The following EHMT1 variants were observed in gnomAD, a reference collection of about 807,000 sequenced individuals.
The protein encoded by EHMT1 is euchromatic histone lysine methyltransferase 1.
EHMT1 carries 15 observed loss-of-function variants against 147.2 expected under a neutral mutation model. That is an observed-to-expected ratio of 0.10 (90% confidence interval 0.07 to 0.16). The LOEUF (loss-of-function observed/expected upper bound fraction) is 0.16, where lower values mean the gene tolerates loss of function less well. Ranked by LOEUF, EHMT1 falls within the 10% of genes least tolerant of loss-of-function variation. EHMT1 has a pLI of 1.00. For synonymous variants in EHMT1, 795 were observed against 709.6 expected, an observed-to-expected ratio of 1.12 and a Z score of -1.91; for missense variants, 1,587 against 1,772.4, an observed-to-expected ratio of 0.90 and a Z score of 1.88.
At chr9:137,783,635 C>A (rs1425353687) in intron 15 of EHMT1, among the ~76,000 whole-genome samples, 1 of 152,230 alleles carries the variant, frequency 6.6e-6, no homozygotes, top group African/African-American at 2.4e-5. Flanking sequence ...GTAGGGTGAT[C>A]TGCAGGCCTG....
At chr9:137,815,615 C>G (rs766534855) in intron 22 of EHMT1, 12 of 391,390 alleles carry the variant, frequency 3.1e-5, no homozygotes, top group Non-Finnish European at 5.4e-5. Flanking sequence ...CTGAAGAAAG[C>G]AGAGCAACCC....
At position 137,775,940 on chromosome 9, in the gene EHMT1, C is replaced by T. The variant is rs919934892; in HGVS notation, c.1792-678C>T. Among the ~76,000 whole-genome samples, 8 of 151,756 alleles carry T rather than the reference C, an allele frequency of 5.3e-5. No homozygotes were observed. The highest frequency in any genetic ancestry group is 9.7e-5 in the African/African-American group (4 of 41,258). On this transcript the variant is annotated intron_variant, in intron 11 of 26. Coordinates refer to ENST00000460843, the MANE Select transcript of EHMT1 (RefSeq NM_024757.5). This position sits in a 1 kb window ranked among gnomAD's most constrained non-coding sequence, Gnocchi z 6.1. ...ATCTGTGTGAGCCTCTGCCTGTAAG[C>T]GTCTGTCTGTGTGCGCCTGTGTGTG...
chr9:137,717,203 GC>G, intron 3 of EHMT1, 21 bp downstream of exon 3: 1 of 1,609,930 alleles, frequency 6.2e-7, no homozygotes, highest in Middle Eastern at 1.8e-4. Flanking sequence ...GTCTTCTCTT[GC>G]TGTTTCCTTT....
Position 137,834,769 on chromosome 9 carries a change from C to A in EHMT1, c.3717-4C>A. ...TTGGAGCCTTGGTTCTGTTCCCTCC[C>A]CAGGTTTGACTATGGAGAGCGCTTC... On this transcript the variant is annotated splice_polypyrimidine_tract_variant and splice_region_variant and intron_variant, in intron 26 of 26. Coordinates refer to ENST00000460843, the MANE Select transcript of EHMT1 (RefSeq NM_024757.5). 2 of 1,613,460 alleles carry A rather than the reference C, an allele frequency of 1.2e-6. No homozygotes were observed. The highest frequency in any genetic ancestry group is 1.7e-6 in the Non-Finnish European group (2 of 1,179,762).
chr9:137,827,311 C>G (rs536820067), intron 25 of EHMT1, among the ~76,000 whole-genome samples: 66 of 152,164 alleles, frequency 4.3e-4, no homozygotes, highest in Non-Finnish European at 6.0e-4. Flanking sequence ...TAGCCCTGCT[C>G]CTCCCTGCAC....
At chr9:137,814,233 C>A in intron 21 of EHMT1, 198 bp from the exon 22 acceptor site, 1 of 665,914 alleles carries the variant, frequency 1.5e-6, no homozygotes, top group Non-Finnish European at 2.7e-6. Context: ...GGTCCTCAGC[C>A]AGAGCTCCCT....
intron 1 of EHMT1, among the ~76,000 whole-genome samples, chr9:137,684,394 A>G (rs567457247): frequency 3.2e-4 from 49 of 152,228 alleles, no homozygotes; most frequent in Middle Eastern, 3.4e-3. Context: ...GATAAATGAG[A>G]TGTTTTTCTT....
chr9:137,788,004 A>C, intron 15 of EHMT1: 1 of 1,455,952 alleles, frequency 6.9e-7, no homozygotes, highest in South Asian at 1.2e-5. Flanking sequence ...CAGTAAGTGG[A>C]GAGGCCAGGC....
At chr9:137,725,528 A>G (rs1249118811) in intron 3 of EHMT1, among the ~76,000 whole-genome samples, 1 of 152,158 alleles carries the variant, frequency 6.6e-6, no homozygotes, top group Non-Finnish European at 1.5e-5. Flanking sequence ...CTCCACAGGG[A>G]GAAGCAACAA....
intron 1 of EHMT1, chr9:137,665,831 A>C (rs545209092): frequency 7.9e-5 from 12 of 152,330 alleles, no homozygotes; most frequent in Admixed American, 7.2e-4. Context: ...GCTTCCGAGG[A>C]GGCCTGGAGG....
chr9:137,692,267 C>CTTTCTT (rs377213173), intron 1 of EHMT1, among the ~76,000 whole-genome samples: 2 of 118,390 alleles, frequency 1.7e-5, no homozygotes, highest in African/African-American at 3.2e-5. Context: ...TTCTTTCTTT[C>CTTTCTT]TTTTTTTTTT....
intron 4 of EHMT1, among the ~76,000 whole-genome samples, chr9:137,742,794 G>A (rs988245953): frequency 6.6e-5 from 10 of 152,214 alleles, no homozygotes; most frequent in African/African-American, 2.4e-4. Flanking sequence ...GGAGGATGGT[G>A]TTGGGGAGAG....
chr9:137,722,661 A>T (rs1432981717), intron 3 of EHMT1, among the ~76,000 whole-genome samples: 2 of 148,262 alleles, frequency 1.3e-5, no homozygotes, highest in African/African-American at 5.1e-5. Flanking sequence ...TGCGGCAGAG[A>T]CTGTGGGTGG....
intron 19 of EHMT1, 131 bp from the exon 20 acceptor site, chr9:137,812,875 T>A: frequency 7.8e-7 from 1 of 1,286,722 alleles, no homozygotes; most frequent in East Asian, 2.3e-5. Context: ...CTGAGCAGAC[T>A]TGTTCAAGTT....
intron 16 of EHMT1, among the ~76,000 whole-genome samples, chr9:137,796,702 T>C (rs1452046025): frequency 1.3e-4 from 2 of 15,300 alleles, no homozygotes; most frequent in Non-Finnish European, 2.1e-4. Context: ...AGACTCCATC[T>C]CAAAAAAAAA....
chr9:137,797,159 T>A (rs560852696), intron 16 of EHMT1, among the ~76,000 whole-genome samples: 1 of 152,118 alleles, frequency 6.6e-6, no homozygotes, highest in East Asian at 1.9e-4. Flanking sequence ...GTGTGGGGTG[T>A]CCCTTGGGTG....
At chr9:137,742,702 C>T (rs1285100074) in intron 4 of EHMT1, among the ~76,000 whole-genome samples, 1 of 152,220 alleles carries the variant, frequency 6.6e-6, no homozygotes, top group Non-Finnish European at 1.5e-5. Context: ...GCTTCTCCCT[C>T]TCAGCCTCTT....
Position 137,762,669 on chromosome 9 carries a change from C to T in EHMT1, c.1502-6C>T, listed in dbSNP as rs1233366148. 7.4e-6 allele frequency: 12 copies of T among 1,614,148 alleles called. No individual in the cohort carries two copies. In the East Asian group the frequency reaches 8.9e-5, roughly 12 times the overall value. ...CATGAGCTGACATGTGTCTGTGTGACGTTAGGGTTGGCCAACGGTCCAGAT... is the reference window on the plus strand; with the variant it reads ...CATGAGCTGACATGTGTCTGTGTGATGTTAGGGTTGGCCAACGGTCCAGAT... On this transcript the variant is annotated splice_polypyrimidine_tract_variant and splice_region_variant and intron_variant, in intron 9 of 26. Coordinates refer to ENST00000460843, the MANE Select transcript of EHMT1 (RefSeq NM_024757.5).
chr9:137,725,209 G>A (rs997545499), intron 3 of EHMT1, among the ~76,000 whole-genome samples: 3 of 149,012 alleles, frequency 2.0e-5, no homozygotes, highest in South Asian at 2.2e-4. Flanking sequence ...TGTGGCCTTC[G>A]TGGGGCAGGT....
Sources: gnomAD v4.1 joint callset for allele counts (sites outside exome capture counted in the v4.1 genomes callset) on GRCh38, gnomAD v4.1.1 for gene constraint, Gnocchi (gnomAD v3.1) non-coding constraint, MANE v1.5 for transcripts, NCBI Gene and HGNC (gene_info 2026-07-23, HGNC 2026-07-21) for gene names.